The following XIRP2 variants were observed in gnomAD, a reference collection of about 807,000 sequenced individuals.
XIRP2 encodes the protein xin actin binding repeat containing 2, also known as xin actin-binding repeat-containing protein 2.
In XIRP2, 236 loss-of-function variants were observed where a neutral mutation model predicts 277.0. The ratio of observed to expected loss-of-function variants is 0.85; its 90% CI spans 0.77 to 0.95. The LOEUF is 0.95. Ranked by LOEUF, XIRP2 falls within the 40% of genes least tolerant of loss-of-function variation. The pLI is 0.00. For synonymous variants in XIRP2, 1,490 were observed against 1,416.5 expected, an observed-to-expected ratio of 1.05 and a Z score of -1.17; for missense variants, 4,640 against 4,157.5, an observed-to-expected ratio of 1.12 and a Z score of -3.19.
rs368875898 is a variant in XIRP2 at position 167,088,622 on chromosome 2, C to T, written c.409-47287C>T. 1.7e-4 allele frequency among the ~76,000 whole-genome samples: 26 copies of T among 152,270 alleles called. No homozygotes were observed. In the South Asian group the frequency reaches 5.4e-3, roughly 32 times the overall value. On this transcript the variant is annotated intron_variant, in intron 2 of 10. Transcript: ENST00000409195. ...ATTTGGCCATAACATTCTACAATCACAGGGCCAATGGCTTTTCCAGCCTCT... is the reference window on the plus strand; with the variant it reads ...ATTTGGCCATAACATTCTACAATCATAGGGCCAATGGCTTTTCCAGCCTCT...
chr2:166,905,938 A>C (rs1658636996), intron 2 of XIRP2, among the ~76,000 whole-genome samples: 1 of 151,988 alleles, frequency 6.6e-6, no homozygotes, highest in Non-Finnish European at 1.5e-5. Flanking sequence ...ATTAGTTTTT[A>C]TAGATGCTTT....
At chr2:167,197,343 T>C (rs944167163) in intron 3 of XIRP2, among the ~76,000 whole-genome samples, 1 of 152,216 alleles carries the variant, frequency 6.6e-6, no homozygotes, top group Non-Finnish European at 1.5e-5. Context: ...ATGAGAACCA[T>C]GAAAAGACAA....
chr2:166,953,321 A>G (rs544416923), intron 2 of XIRP2, among the ~76,000 whole-genome samples: 15 of 151,884 alleles, frequency 9.9e-5, no homozygotes, highest in Non-Finnish European at 1.9e-4. Flanking sequence ...ATTGAATCAT[A>G]GGGATGGGTC....
chr2:167,191,352 C>T (rs1693327925), intron 3 of XIRP2, among the ~76,000 whole-genome samples: 1 of 152,080 alleles, frequency 6.6e-6, no homozygotes, highest in Non-Finnish European at 1.5e-5. Flanking sequence ...ATGGTTTAAG[C>T]ACAGAGAACT....
chr2:167,000,472 A>G (rs2105454516), intron 2 of XIRP2, among the ~76,000 whole-genome samples: 1 of 148,992 alleles, frequency 6.7e-6, no homozygotes, highest in African/African-American at 2.5e-5. Context: ...GCTAGGGTTA[A>G]TTTGGTCAAG....
intron 2 of XIRP2, among the ~76,000 whole-genome samples, chr2:167,017,302 G>A (rs1687851485): frequency 6.6e-6 from 1 of 151,852 alleles, no homozygotes; most frequent in Non-Finnish European, 1.5e-5. Context: ...GCAAGTCTTG[G>A]TGATTTATGT....
chr2:167,076,599 C>T (rs1293612230), intron 2 of XIRP2, among the ~76,000 whole-genome samples: 1 of 152,068 alleles, frequency 6.6e-6, no homozygotes, highest in Non-Finnish European at 1.5e-5. Flanking sequence ...CAGTTATAAG[C>T]TTTAGAGACA....
intron 2 of XIRP2, among the ~76,000 whole-genome samples, chr2:166,944,436 A>G (rs1034870866): frequency 6.6e-6 from 1 of 152,204 alleles, no homozygotes; most frequent in African/African-American, 2.4e-5. Context: ...AGCTGCCAGT[A>G]CCATAGGCAT....
chr2:166,972,294 G>GT lies in XIRP2; in HGVS notation c.408+68411dup, dbSNP rs1278998253. On this transcript the variant is annotated intron_variant, in intron 2 of 10. Transcript: ENST00000409195. ...AATGTTTGTTGTTTAGCCACCCAGG[G>GT]TTTTTTTGTAGCCAGAACTGACAAA... Among the ~76,000 whole-genome samples, 5 of 151,934 alleles carry GT rather than the reference G, an allele frequency of 3.3e-5. No homozygotes were observed. The East Asian group carries it at 5.8e-4, about 18-fold the overall frequency.
chr2:167,138,856 A>T (rs909704440), intron 3 of XIRP2, among the ~76,000 whole-genome samples: 1 of 152,098 alleles, frequency 6.6e-6, no homozygotes, highest in Non-Finnish European at 1.5e-5. Context: ...ACCTAGGGTC[A>T]GGAGTTTGAG....
rs757986422 is a variant in XIRP2 at position 167,249,253 on chromosome 2, C to T, written c.7861C>T (p.Leu2621=). 3.7e-6 allele frequency: 6 copies of T among 1,613,650 alleles called. No homozygotes were observed. The highest frequency in any genetic ancestry group is 1.6e-4 in the Middle Eastern group (1 of 6,080). The change falls in exon 9 of 11, where the codon CTA becomes TTA. Residue 2621 remains leucine (L), a synonymous_variant. Transcript: ENST00000409195. ...SPGSQSNARI[L]GVCSDNQLST... ...AGGCTCTCAAAGTAATGCTCGGATA[C>T]TAGGAGTGTGTTCTGATAACCAACT...
At chr2:167,102,880 T>C (rs1477093558) in intron 2 of XIRP2, among the ~76,000 whole-genome samples, 1 of 152,212 alleles carries the variant, frequency 6.6e-6, no homozygotes, top group Non-Finnish European at 1.5e-5. Context: ...GATTTAGGTC[T>C]TTGTCACTTG....
In XIRP2 at chr2:167,247,022, A is replaced by G. The variant is rs1243058921; in HGVS notation, c.5630A>G (p.Glu1877Gly). The change falls in exon 9 of 11, where the codon GAA becomes GGA. Residue 1877 changes from glutamate to glycine, a missense_variant. Coordinates refer to ENST00000409195, the MANE Select transcript of XIRP2 (RefSeq NM_152381.6). ...CTAGCCACACTCAAGTCACTTAAAGAATCAAGCCATCGATGGAAAGAATCT... is the reference window on the plus strand; with the variant it reads ...CTAGCCACACTCAAGTCACTTAAAGGATCAAGCCATCGATGGAAAGAATCT... ...NMLATLKSLK[E>G]SSHRWKESKQ... 1.9e-6 allele frequency: 3 copies of G among 1,613,580 alleles called. No individual in the cohort carries two copies. The highest frequency in any genetic ancestry group is 2.7e-5 in the African/African-American group (2 of 74,982).
At chr2:166,909,133 GT>G (rs1684625333) in intron 2 of XIRP2, among the ~76,000 whole-genome samples, 1 of 152,166 alleles carries the variant, frequency 6.6e-6, no homozygotes, top group South Asian at 2.1e-4. Flanking sequence ...GTTTAAAGTA[GT>G]TTTTTCCAAT....
intron 3 of XIRP2, among the ~76,000 whole-genome samples, chr2:167,169,073 G>A (rs1325189368): frequency 6.7e-6 from 1 of 149,836 alleles, no homozygotes; most frequent in African/African-American, 2.5e-5. Flanking sequence ...TAGGTAAAAG[G>A]AATGCTGTAA....
At position 167,249,946 on chromosome 2, in the gene XIRP2, G is replaced by T. The variant is rs1043206048; in HGVS notation, c.8554G>T (p.Val2852Phe). Reference protein sequence around the residue: ...EHLKNKSAPKVVKQKVIDAHL... With the variant: ...EHLKNKSAPKFVKQKVIDAHL... ...TCTGAAGAATAAATCAGCACCAAAGGTCGTCAAGCAAAAGGTTATCGATGC... is the reference window on the plus strand; with the variant it reads ...TCTGAAGAATAAATCAGCACCAAAGTTCGTCAAGCAAAAGGTTATCGATGC... The change falls in exon 9 of 11, where the codon GTC (valine) becomes TTC (phenylalanine). Residue 2852 changes from valine (V) to phenylalanine (F), a missense_variant. Transcript: ENST00000409195. The T allele has an allele frequency of 6.2e-7, 1 of 1,613,498 alleles. No homozygotes were observed. The highest frequency in any genetic ancestry group is 8.5e-7 in the Non-Finnish European group (1 of 1,179,672).
intron 3 of XIRP2, among the ~76,000 whole-genome samples, chr2:167,199,385 T>C (rs1320728964): frequency 2.6e-5 from 4 of 152,204 alleles, no homozygotes; most frequent in Non-Finnish European, 5.9e-5. Flanking sequence ...TCCATTACAT[T>C]ACCTTGGCGT....
chr2:167,091,644 G>A (rs1690151932), intron 2 of XIRP2, among the ~76,000 whole-genome samples: 2 of 151,968 alleles, frequency 1.3e-5, no homozygotes, highest in South Asian at 4.1e-4. Context: ...AGTTTTTTAT[G>A]GCTTCTATGG....
intron 2 of XIRP2, among the ~76,000 whole-genome samples, chr2:166,983,749 T>G (rs932964197): frequency 6.6e-6 from 1 of 152,226 alleles, no homozygotes; most frequent in African/African-American, 2.4e-5. Flanking sequence ...AGGGGAGACA[T>G]GGGACTCATC....
Sources: gnomAD v4.1 joint callset for allele counts (sites outside exome capture counted in the v4.1 genomes callset) on GRCh38, gnomAD v4.1.1 for gene constraint, MANE v1.5 for transcripts, NCBI Gene and HGNC (gene_info 2026-07-23, HGNC 2026-07-21) for gene names.